Variants in SLC25A15 observed in about 807,000 individuals in gnomAD.
The protein encoded by SLC25A15 is mitochondrial ornithine transporter 1.
Under a neutral mutation model 32.3 loss-of-function variants are expected in SLC25A15, and 24 were observed. The observed-to-expected ratio is 0.74, with a 90% CI of 0.54 to 1.04. SLC25A15 has a LOEUF of 1.04. Ranked by LOEUF, SLC25A15 falls within the 50% of genes least tolerant of loss-of-function variation. The probability of loss-of-function intolerance (pLI) is 0.00; values close to 1 mark genes in which losing one functional copy is unlikely to be tolerated. For synonymous variants in SLC25A15, 132 were observed against 142.1 expected (o/e 0.93, Z 0.51); for missense variants, 317 against 374.5 (o/e 0.85, Z 1.27).
In SLC25A15 at chr13:40,793,169, G is replaced by A; in HGVS notation, c.-58G>A. On this transcript the variant is annotated 5_prime_UTR_variant, in exon 2 of 7. Coordinates refer to ENST00000338625, the MANE Select transcript of SLC25A15 (RefSeq NM_014252.4). Reference sequence around the variant, plus strand: ...TTGCCTCCCCCCAGGGATATGTGGTGCCTGTCATAAGCTCCAGAGAGCTGC... The same window carrying A: ...TTGCCTCCCCCCAGGGATATGTGGTACCTGTCATAAGCTCCAGAGAGCTGC... 2 of 1,573,946 alleles carry A rather than the reference G, an allele frequency of 1.3e-6. No individual in the cohort carries two copies. Among genetic ancestry groups the A allele is most frequent in the South Asian group, 1.1e-5 (1 of 89,872 alleles).
rs112276566 is a variant in SLC25A15, at chr13:40,793,160, A to T, written c.-67A>T. ...GGTGAACTCTTGCCTCCCCCCAGGG[A>T]TATGTGGTGCCTGTCATAAGCTCCA... is the stretch of plus-strand genomic sequence containing the variant. On this transcript the variant is annotated splice_region_variant and 5_prime_UTR_variant, in exon 2 of 7. Coordinates refer to ENST00000338625, the MANE Select transcript of SLC25A15 (RefSeq NM_014252.4). 11,357 of 1,524,934 alleles carry T rather than the reference A, an allele frequency of 7.4e-3. 45 individuals are homozygous for T. The highest frequency in any genetic ancestry group is 9.0e-3 in the Non-Finnish European group (9,856 of 1,100,188). 94.5% of individuals were successfully genotyped at this position (1,524,934 alleles called of 1,614,324 possible). A position where few individuals can be genotyped will look rare whatever the true frequency, so the allele number is the denominator to read the frequency against.
Position 40,809,649 on chromosome 13 carries a change from C to G in SLC25A15, c.888C>G (p.Asn296Lys). The change falls in exon 7 of 7, where the codon AAC becomes AAG. Residue 296 changes from asparagine (N) to lysine (K), a missense_variant. Physicochemically the swap from Asn to Lys is moderately conservative, Grantham distance 94 (BLOSUM62 0). Coordinates refer to ENST00000338625, the MANE Select transcript of SLC25A15 (RefSeq NM_014252.4). ...AATATAGCAGGAAGTTGATGATGAA[C>G]CAGTTGGAAGCATACTGAAGTGTCT... ...AYEYSRKLMM[N>K]QLEAY The G allele has an allele frequency of 8.7e-6, 14 of 1,613,120 alleles. No homozygotes were observed. The highest frequency in any genetic ancestry group is 1.0e-5 in the Non-Finnish European group (12 of 1,179,848).
intron 4 of SLC25A15, among the ~76,000 whole-genome samples, chr13:40,807,052 G>C (rs1210224788): frequency 6.6e-6 from 1 of 152,226 alleles, no homozygotes; most frequent in Admixed American, 6.5e-5. Context: ...GAATCACAGC[G>C]ATAAGGGACT....
At position 40,810,406 on chromosome 13, in the gene SLC25A15, G is replaced by A. The variant is rs1164577376; in HGVS notation, c.*739G>A. 3.3e-5 allele frequency among the ~76,000 whole-genome samples: 5 copies of A among 152,018 alleles called. No individual in the cohort carries two copies. The highest frequency in any genetic ancestry group is 2.1e-4 in the South Asian group (1 of 4,822). ...TCGAACTCCTGACCTCAAGTGATCC[G>A]CCCACCTCGGCCTCCCAAAGTGCTG... On this transcript the variant is annotated 3_prime_UTR_variant, in exon 7 of 7. Coordinates refer to ENST00000338625, the MANE Select transcript of SLC25A15 (RefSeq NM_014252.4).
chr13:40,806,535 C>T (rs2138055628), intron 4 of SLC25A15, among the ~76,000 whole-genome samples: 2 of 152,336 alleles, frequency 1.3e-5, no homozygotes, highest in African/African-American at 4.8e-5. Context: ...TGTAGCAGTG[C>T]TGCAGGAAGG....
At chr13:40,798,318 T>A (rs1421563933) in intron 2 of SLC25A15, among the ~76,000 whole-genome samples, 2 of 152,108 alleles carry the variant, frequency 1.3e-5, no homozygotes, top group African/African-American at 4.8e-5. Context: ...ATGTAGACTC[T>A]GCTGTATTTA....
intron 1 of SLC25A15, among the ~76,000 whole-genome samples, 157 bp downstream of exon 1, chr13:40,789,820 T>G: frequency 6.6e-6 from 1 of 151,830 alleles, no homozygotes; most frequent in East Asian, 1.9e-4. Flanking sequence ...GCCGCGGGAC[T>G]CGGAGAATCT....
chr13:40,811,708 G>T lies in SLC25A15; in HGVS notation c.*2041G>T, dbSNP rs1468397682. Among the ~76,000 whole-genome samples, 2 of 152,128 alleles carry T rather than the reference G, an allele frequency of 1.3e-5. No individual in the cohort carries two copies. Among genetic ancestry groups the T allele is most frequent in the Non-Finnish European group, 2.9e-5 (2 of 68,014 alleles). Reference sequence around the variant, plus strand: ...TTTTGTGCTGCTCCAACACCAGCAGGGTATCTCCCAATAAAGTGTTCCTAA... The same window carrying T: ...TTTTGTGCTGCTCCAACACCAGCAGTGTATCTCCCAATAAAGTGTTCCTAA... On this transcript the variant is annotated 3_prime_UTR_variant, in exon 7 of 7. Coordinates refer to ENST00000338625, the MANE Select transcript of SLC25A15 (RefSeq NM_014252.4).
chr13:40,790,080 G>A (rs1364732958), intron 1 of SLC25A15, among the ~76,000 whole-genome samples: 2 of 152,174 alleles, frequency 1.3e-5, no homozygotes, highest in Admixed American at 1.3e-4. Context: ...TGCGAGGCCC[G>A]GGAGGAGACG....
chr13:40,793,662 A>G (rs1219169733), intron 2 of SLC25A15, among the ~76,000 whole-genome samples: 5 of 152,326 alleles, frequency 3.3e-5, no homozygotes, highest in African/African-American at 9.6e-5. Context: ...CTATTCCTCA[A>G]CTACTCTCTA....
At chr13:40,800,292 A>G (rs1479848304) in intron 3 of SLC25A15, among the ~76,000 whole-genome samples, 1 of 152,170 alleles carries the variant, frequency 6.6e-6, no homozygotes, top group Non-Finnish European at 1.5e-5. Context: ...GCTTGGGACT[A>G]GATACGATTG....
intron 1 of SLC25A15, among the ~76,000 whole-genome samples, chr13:40,790,729 A>C (rs756645915): frequency 3.0e-4 from 45 of 152,124 alleles, no homozygotes; most frequent in Non-Finnish European, 5.1e-4. Context: ...CTGGGATTAC[A>C]AGCATGGCCC....
At chr13:40,797,058 G>A (rs1225288364) in intron 2 of SLC25A15, among the ~76,000 whole-genome samples, 1 of 152,090 alleles carries the variant, frequency 6.6e-6, no homozygotes, top group Admixed American at 6.5e-5. Context: ...GAACCTACTA[G>A]GTGTCAGTCT....
At chr13:40,806,383 G>C (rs538860506) in intron 4 of SLC25A15, among the ~76,000 whole-genome samples, 9 of 152,194 alleles carry the variant, frequency 5.9e-5, no homozygotes, top group Admixed American at 3.3e-4. Context: ...GACTTAGGCA[G>C]ATCAACACCT....
intron 2 of SLC25A15, among the ~76,000 whole-genome samples, chr13:40,793,959 T>A (rs9577150): frequency 0.13 from 19,980 of 152,194 alleles, 2,599 homozygotes; most frequent in East Asian, 0.46. Context: ...GAGCCCTTGT[T>A]GTGCAAAAAT....
chr13:40,794,340 CAAAA>C (rs148747444), intron 2 of SLC25A15, among the ~76,000 whole-genome samples: 3 of 87,892 alleles, frequency 3.4e-5, no homozygotes, highest in Non-Finnish European at 2.4e-5. Flanking sequence ...AACTCTGTCT[CAAAA>C]AAAAAAAAAA....
intron 2 of SLC25A15, 42 bp downstream of exon 2, chr13:40,793,323 G>A: frequency 6.5e-7 from 1 of 1,532,586 alleles, no homozygotes. Flanking sequence ...GTCGTTGATG[G>A]ATGGTGTATC....
Position 40,809,670 on chromosome 13 carries a change from TG to T in SLC25A15, c.*4del. On this transcript the variant is annotated 3_prime_UTR_variant, in exon 7 of 7. Coordinates refer to ENST00000338625, the MANE Select transcript of SLC25A15 (RefSeq NM_014252.4). ...TGAACCAGTTGGAAGCATACTGAAG[TG>T]TCTTGGTGGGCCTGAGCCAAGCACA... is the stretch of plus-strand genomic sequence containing the variant. The T allele has an allele frequency of 6.2e-7, 1 of 1,613,256 alleles. No homozygotes were observed. The highest frequency in any genetic ancestry group is 1.1e-5 in the South Asian group (1 of 91,034).
At chr13:40,790,058 T>G (rs2138036215) in intron 1 of SLC25A15, among the ~76,000 whole-genome samples, 1 of 152,248 alleles carries the variant, frequency 6.6e-6, no homozygotes, top group African/African-American at 2.4e-5. Context: ...GTCGTCTCCC[T>G]GACCTGTTCC....
Sources: gnomAD v4.1 joint callset for allele counts (sites outside exome capture counted in the v4.1 genomes callset) on GRCh38, gnomAD v4.1.1 for gene constraint, MANE v1.5 for transcripts, NCBI Gene and HGNC (gene_info 2026-07-23, HGNC 2026-07-21) for gene names.